CEP89: variants seen among roughly 807,000 people sequenced by gnomAD.
The protein encoded by CEP89 is centrosomal protein 89.
A neutral mutation model predicts 97.6 loss-of-function variants in CEP89; 95 were observed. That is an observed-to-expected ratio of 0.97 (90% CI 0.82 to 1.15). CEP89 has a LOEUF of 1.15. Ranked by LOEUF, CEP89 falls within the 50% of genes most tolerant of loss-of-function variation. The pLI, the probability that CEP89 is intolerant of heterozygous loss-of-function variation, is 0.00. For missense variants in CEP89, 869 were observed against 947.7 expected (o/e 0.92, Z 1.09); for synonymous variants, 354 against 349.1 (o/e 1.01, Z -0.16).
intron 3 of CEP89, among the ~76,000 whole-genome samples, chr19:32,959,382 G>A (rs1958192312): frequency 6.6e-6 from 1 of 152,052 alleles, no homozygotes; most frequent in Non-Finnish European, 1.5e-5. Context: ...TCTTCCTCAG[G>A]AGGAAACCTT....
Position 32,926,164 on chromosome 19 carries a change from G to C in CEP89, c.1164+26C>G, listed in dbSNP as rs377132314. 2.6e-6 allele frequency: 4 copies of C among 1,528,860 alleles called. No homozygotes were observed. The African/African-American group carries it at 5.5e-5, about 21-fold the overall frequency. 94.7% of individuals were successfully genotyped at this position (1,528,860 alleles called of 1,614,324 possible). ...GGTCCTATATTTTTATAAATCTTGT[G>C]TCTTCTGGGACATTTGCCAGCCTAC... On this transcript the variant is annotated intron_variant, in intron 11 of 18. Transcript: ENST00000305768.
intron 11 of CEP89, among the ~76,000 whole-genome samples, chr19:32,924,630 G>C (rs1030717340): frequency 6.6e-6 from 1 of 152,140 alleles, no homozygotes; most frequent in Non-Finnish European, 1.5e-5. Flanking sequence ...GCACTGCCAA[G>C]TAACTTCTCC....
At chr19:32,900,373 G>A (rs1460763673) in intron 15 of CEP89, among the ~76,000 whole-genome samples, 1 of 151,386 alleles carries the variant, frequency 6.6e-6, no homozygotes, top group East Asian at 1.9e-4. Context: ...AGCCTCCTGA[G>A]TAGTTGGGAT....
chr19:32,923,591 A>G lies in CEP89; in HGVS notation c.1165-49T>C, dbSNP rs150430328. ...ATAACACACACATACCCACGCATCT[A>G]TATTTCTCAGTTCTGGTGCTGCTGC... On this transcript the variant is annotated intron_variant, in intron 11 of 18. Coordinates refer to ENST00000305768, the MANE Select transcript of CEP89 (RefSeq NM_032816.5). 3.0e-5 allele frequency: 35 copies of G among 1,179,314 alleles called. No individual in the cohort carries two copies. The Middle Eastern group carries it at 5.8e-4, about 20-fold the overall frequency. The allele number at this position is 1,179,314 out of a possible 1,614,324, so 73.1% of individuals were successfully genotyped here.
chr19:32,925,486 T>C lies in CEP89; in HGVS notation c.1164+704A>G, dbSNP rs950633109. Among the ~76,000 whole-genome samples, 246 of 69,510 alleles carry C rather than the reference T, an allele frequency of 3.5e-3. 1 individual carries two copies. The highest frequency in any genetic ancestry group is 5.5e-3 in the Non-Finnish European group (196 of 35,682). 45.6% of individuals were successfully genotyped at this position (69,510 alleles called of 152,430 possible). ...CTTCCCATGTCTGCCCAAATAGCCCTTTTTTTTTTTTTTTTTTTTTCGAGA... is the reference window on the plus strand; with the variant it reads ...CTTCCCATGTCTGCCCAAATAGCCCCTTTTTTTTTTTTTTTTTTTTCGAGA... On this transcript the variant is annotated intron_variant, in intron 11 of 18. Coordinates refer to ENST00000305768, the MANE Select transcript of CEP89 (RefSeq NM_032816.5).
chr19:32,964,786 G>C (rs1472685640), intron 2 of CEP89, among the ~76,000 whole-genome samples: 1 of 152,160 alleles, frequency 6.6e-6, no homozygotes, highest in Non-Finnish European at 1.5e-5. Context: ...GTGGCAGAGA[G>C]GGGCAGGGGG....
chr19:32,903,610 G>C (rs1459045517), intron 14 of CEP89, among the ~76,000 whole-genome samples: 2 of 152,166 alleles, frequency 1.3e-5, no homozygotes, highest in Middle Eastern at 3.2e-3. Flanking sequence ...ACTAACAGCA[G>C]ATTAGATTGT....
chr19:32,951,561 AC>A, intron 4 of CEP89, among the ~76,000 whole-genome samples: 1 of 150,958 alleles, frequency 6.6e-6, no homozygotes, highest in Admixed American at 6.6e-5. Context: ...ACACACACAC[AC>A]ACACGCACAC....
chr19:32,918,891 T>C (rs1308371808), intron 12 of CEP89, among the ~76,000 whole-genome samples: 2 of 146,802 alleles, frequency 1.4e-5, no homozygotes, highest in African/African-American at 5.0e-5. Context: ...TTTCTTTTTT[T>C]TTTTTTTTTT....
intron 14 of CEP89, among the ~76,000 whole-genome samples, chr19:32,903,341 C>T (rs1969821871): frequency 6.6e-6 from 1 of 152,014 alleles, no homozygotes; most frequent in Admixed American, 6.6e-5. Context: ...CCATCCAGCA[C>T]CCAATCAAGC....
intron 14 of CEP89, among the ~76,000 whole-genome samples, chr19:32,903,329 C>T (rs1825205142): frequency 6.6e-6 from 1 of 152,074 alleles, no homozygotes; most frequent in Admixed American, 6.5e-5. Flanking sequence ...ATAAAATCTA[C>T]ACCATCCAGC....
chr19:32,927,204 C>T (rs1167014085), intron 9 of CEP89, among the ~76,000 whole-genome samples: 3 of 152,078 alleles, frequency 2.0e-5, no homozygotes, highest in Non-Finnish European at 4.4e-5. Flanking sequence ...TCCCATACAC[C>T]TACCCATCTA....
At chr19:32,881,018 C>G (rs1411529355) in intron 18 of CEP89, among the ~76,000 whole-genome samples, 1 of 152,172 alleles carries the variant, frequency 6.6e-6, no homozygotes, top group Non-Finnish European at 1.5e-5. Context: ...CAAAGGAAAC[C>G]TGTTCTGAAA....
intron 4 of CEP89, among the ~76,000 whole-genome samples, chr19:32,948,735 C>CT (rs904208161): frequency 1.3e-5 from 2 of 151,584 alleles, no homozygotes; most frequent in Admixed American, 6.6e-5. Flanking sequence ...CCCCCCACCC[C>CT]TTTTTTTTGA....
chr19:32,941,322 G>A (rs1970681843), intron 5 of CEP89, among the ~76,000 whole-genome samples: 1 of 151,768 alleles, frequency 6.6e-6, no homozygotes, highest in Non-Finnish European at 1.5e-5. Context: ...GGCCAACATA[G>A]TGAAACCCCA....
chr19:32,950,570 C>CA (rs565849372), intron 4 of CEP89, among the ~76,000 whole-genome samples: 2 of 152,082 alleles, frequency 1.3e-5, no homozygotes, highest in Non-Finnish European at 2.9e-5. Context: ...TTCACCCCCA[C>CA]AAAAAAAGCA....
At chr19:32,944,731 G>A (rs574594436) in intron 5 of CEP89, among the ~76,000 whole-genome samples, 3 of 152,324 alleles carry the variant, frequency 2.0e-5, no homozygotes, top group South Asian at 2.1e-4. Context: ...CAGCGTCCAC[G>A]AGCATGAATT....
In CEP89 at chr19:32,952,863, C is replaced by T. The variant is rs185657905; in HGVS notation, c.492+752G>A. Among the ~76,000 whole-genome samples, 570 of 120,752 alleles carry T rather than the reference C, an allele frequency of 4.7e-3. 2 individuals carry two copies. Among genetic ancestry groups the T allele is most frequent in the African/African-American group, 0.018 (556 of 31,062 alleles). The allele number at this position is 120,752 out of a possible 152,430, so 79.2% of individuals were successfully genotyped here. Reference sequence around the variant, plus strand: ...AGGCTACAGTGAGCTATAATGGTGCCACTGCACTCCAGCCTGGAGGACAGA... The same window carrying T: ...AGGCTACAGTGAGCTATAATGGTGCTACTGCACTCCAGCCTGGAGGACAGA... On this transcript the variant is annotated intron_variant, in intron 4 of 18. Transcript: ENST00000305768.
chr19:32,948,119 T>TA, intron 5 of CEP89, 147 bp downstream of exon 5: 1 of 544,312 alleles, frequency 1.8e-6, no homozygotes, highest in Non-Finnish European at 3.2e-6. Flanking sequence ...TCATTTTCAA[T>TA]AAAAAATAAA....
Sources: allele counts gnomAD v4.1 joint callset (sites outside exome capture counted in the v4.1 genomes callset), GRCh38; gene constraint gnomAD v4.1.1; transcripts MANE v1.5; gene names NCBI Gene and HGNC (gene_info 2026-07-23, HGNC 2026-07-21).